DPH6: variants seen among roughly 807,000 people sequenced by gnomAD.
DPH6 encodes the protein diphthine--ammonia ligase.
Under a neutral mutation model 38.2 loss-of-function variants are expected in DPH6, and 33 were observed. The ratio of observed to expected loss-of-function variants is 0.86; its 90% confidence interval spans 0.65 to 1.15. The LOEUF is 1.15. Ranked by LOEUF, DPH6 falls within the 50% of genes most tolerant of loss-of-function variation. DPH6 has a pLI of 0.00. For synonymous variants in DPH6, 108 were observed against 103.0 expected, an observed-to-expected ratio of 1.05 and a Z score of -0.30; for missense variants, 325 against 320.0, an observed-to-expected ratio of 1.02 and a Z score of -0.12.
At chr15:35,533,240 T>G (rs965524248) in intron 3 of DPH6, among the ~76,000 whole-genome samples, 3 of 152,260 alleles carry the variant, frequency 2.0e-5, no homozygotes, top group South Asian at 2.1e-4. Context: ...TATTTGGAGA[T>G]TCACCCTTCC....
intron 3 of DPH6, among the ~76,000 whole-genome samples, chr15:35,350,705 A>G (rs1421537333): frequency 6.6e-6 from 1 of 152,132 alleles, no homozygotes; most frequent in Non-Finnish European, 1.5e-5. Context: ...TCATCATTCA[A>G]GAGTGTATTA....
chr15:35,536,472 G>T (rs1292646583), intron 3 of DPH6, among the ~76,000 whole-genome samples: 1 of 151,892 alleles, frequency 6.6e-6, no homozygotes, highest in Non-Finnish European at 1.5e-5. Flanking sequence ...ATAACTGATG[G>T]TTAGCATAAA....
At chr15:35,238,264 T>C (rs1398033204) in intron 3 of DPH6, 27 of 446,208 alleles carry the variant, frequency 6.1e-5, no homozygotes. Flanking sequence ...CTATTTTTAC[T>C]GCCAAAAAAA....
intron 3 of DPH6, among the ~76,000 whole-genome samples, chr15:35,473,923 T>C (rs1476356003): frequency 4.0e-5 from 2 of 49,926 alleles, no homozygotes; most frequent in East Asian, 3.2e-3. Context: ...AGTGTGTGTG[T>C]GTGTGTGTGT....
chr15:35,446,070 C>T (rs1465566666), intron 5 of DPH6, among the ~76,000 whole-genome samples: 1 of 152,094 alleles, frequency 6.6e-6, no homozygotes, highest in Non-Finnish European at 1.5e-5. Flanking sequence ...AAAGTCATGA[C>T]ATTATAAGAA....
chr15:35,370,298 T>C (rs1266993743), downstream of DPH6, among the ~76,000 whole-genome samples: 3 of 150,574 alleles, frequency 2.0e-5, 1 homozygote, highest in Admixed American at 1.3e-4. Context: ...CAGATAGATA[T>C]AACATTAAAA....
intron 3 of DPH6, among the ~76,000 whole-genome samples, chr15:35,363,638 T>TA (rs1447885966): frequency 6.6e-6 from 1 of 152,066 alleles, no homozygotes; most frequent in Non-Finnish European, 1.5e-5. Flanking sequence ...TATTTGCACT[T>TA]AAATATATAA....
intron 5 of DPH6, among the ~76,000 whole-genome samples, chr15:35,435,460 C>G (rs2053686389): frequency 6.6e-6 from 1 of 152,160 alleles, no homozygotes; most frequent in Admixed American, 6.5e-5. Context: ...ATGCCTGCAA[C>G]AGACTGGGGG....
the DPH6 span, among the ~76,000 whole-genome samples, chr15:35,158,789 A>G: frequency 1.3e-5 from 2 of 152,080 alleles, no homozygotes; most frequent in African/African-American, 4.8e-5. Context: ...AAATGATAAA[A>G]AGAAAAAAAC....
chr15:35,274,639 G>T (rs980477176), intron 3 of DPH6, among the ~76,000 whole-genome samples: 1 of 151,764 alleles, frequency 6.6e-6, no homozygotes, highest in Non-Finnish European at 1.5e-5. Context: ...ACATATGAAA[G>T]AAAGCTCATC....
At chr15:35,477,034 T>G (rs2054271903) in intron 3 of DPH6, among the ~76,000 whole-genome samples, 1 of 151,798 alleles carries the variant, frequency 6.6e-6, no homozygotes, top group Admixed American at 6.6e-5. Context: ...CATTTAGCAG[T>G]AGCATACTTT....
At chr15:35,238,279 A>G in intron 3 of DPH6, 1 of 325,604 alleles carries the variant, frequency 3.1e-6, no homozygotes, top group African/African-American at 2.2e-5. Flanking sequence ...AAAAAAAAAA[A>G]ATGACCATTA....
chr15:35,542,400 G>A lies in DPH6; in HGVS notation c.118+13C>T, dbSNP rs1483379676. 1 of 1,548,282 alleles carries A rather than the reference G, an allele frequency of 6.5e-7. No homozygotes were observed. The highest frequency in any genetic ancestry group is 1.3e-5 in the African/African-American group (1 of 74,230). On this transcript the variant is annotated intron_variant, in intron 2 of 8. Coordinates refer to ENST00000256538, the MANE Select transcript of DPH6 (RefSeq NM_080650.4). ...TTCATTTAGGCAACTTCCCAATAAA[G>A]GCATGTACTTACCTTGGTTTTCAGC...
the DPH6 span, among the ~76,000 whole-genome samples, chr15:35,184,837 T>A: frequency 6.6e-6 from 1 of 152,138 alleles, no homozygotes; most frequent in African/African-American, 2.4e-5. Context: ...AGTCAGTGGG[T>A]CATTTTGTAG....
intron 1 of DPH6, among the ~76,000 whole-genome samples, chr15:35,543,207 C>T (rs1016951900): frequency 7.0e-6 from 1 of 143,076 alleles, no homozygotes; most frequent in Admixed American, 7.0e-5. Context: ...AACATCAGCA[C>T]TATCAGCACT....
intron 6 of DPH6, among the ~76,000 whole-genome samples, chr15:35,405,584 A>G (rs1428874779): frequency 6.6e-6 from 1 of 152,052 alleles, no homozygotes; most frequent in East Asian, 1.9e-4. Flanking sequence ...CTTGTTTATC[A>G]GTTCTAATAG....
chr15:35,434,956 T>G (rs1278732442), intron 5 of DPH6, among the ~76,000 whole-genome samples: 1 of 149,996 alleles, frequency 6.7e-6, no homozygotes, highest in East Asian at 2.0e-4. Flanking sequence ...TTTTTTTTTG[T>G]ACAGACAGGG....
the DPH6 span, among the ~76,000 whole-genome samples, chr15:35,155,144 TCTC>T: frequency 6.6e-6 from 1 of 152,162 alleles, no homozygotes; most frequent in Non-Finnish European, 1.5e-5. Context: ...TAGCAGATCT[TCTC>T]CTGCACAACT....
At chr15:35,328,508 A>G (rs989210965), downstream of DPH6, among the ~76,000 whole-genome samples, 3 of 152,178 alleles carry the variant, frequency 2.0e-5, no homozygotes, top group African/African-American at 7.2e-5. Context: ...AGGTGCTTTA[A>G]AAGTATTGCT....
Sources: gnomAD v4.1 joint callset for allele counts (sites outside exome capture counted in the v4.1 genomes callset) on GRCh38, gnomAD v4.1.1 for gene constraint, MANE v1.5 for transcripts, NCBI Gene and HGNC (gene_info 2026-07-23, HGNC 2026-07-21) for gene names.